Variants in CDK12 observed in about 807,000 individuals in gnomAD.
CDK12 encodes the protein cyclin dependent kinase 12, also known as cyclin-dependent kinase 12.
In CDK12, 17 loss-of-function variants were observed where a neutral mutation model predicts 133.8. The ratio of observed to expected loss-of-function variants is 0.13; its 90% CI spans 0.09 to 0.19. The LOEUF (loss-of-function observed/expected upper bound fraction) is 0.19. CDK12 is among the 10% of genes least tolerant of loss of function. The pLI, the probability that CDK12 is intolerant of heterozygous loss-of-function variation, is 1.00. For synonymous variants in CDK12, 694 were observed against 683.6 expected (o/e 1.02, Z -0.24); for missense variants, 1,508 against 1,818.7 (o/e 0.83, Z 3.11).
At chr17:39,510,592 TTC>T (rs398119818) in intron 7 of CDK12, among the ~76,000 whole-genome samples, 11 of 85,516 alleles carry the variant, frequency 1.3e-4, no homozygotes, top group Non-Finnish European at 2.3e-4. Context: ...AGTTATTTTT[TTC>T]TCTCTTCTCT....
At chr17:39,546,173 C>G (rs925661706), upstream of CDK12, 2 of 151,802 alleles carry the variant, frequency 1.3e-5, no homozygotes, top group Non-Finnish European at 2.9e-5. Context: ...TTCTCTGTAT[C>G]ATTCCAATTT....
intron 11 of CDK12, among the ~76,000 whole-genome samples, chr17:39,521,530 C>T (rs530109861): frequency 7.9e-4 from 120 of 151,584 alleles, no homozygotes; most frequent in Non-Finnish European, 1.3e-3. Context: ...CCCAAGGTGC[C>T]GGGATTACAG....
chr17:39,481,601 C>T (rs1274522202), intron 2 of CDK12, among the ~76,000 whole-genome samples: 2 of 149,770 alleles, frequency 1.3e-5, no homozygotes, highest in Non-Finnish European at 1.5e-5. Context: ...TGAGCCACTG[C>T]GCCCAGCACT....
chr17:39,535,598 T>C (rs2055097372), downstream of CDK12, among the ~76,000 whole-genome samples: 1 of 152,220 alleles, frequency 6.6e-6, no homozygotes, highest in South Asian at 2.1e-4. Context: ...TTTTCAATTC[T>C]GGGCCTAAAG....
In CDK12 at chr17:39,490,658, G is replaced by A. The variant is rs1228611952; in HGVS notation, c.2033G>A (p.Gly678Glu). Residue 678 changes from glycine to glutamate, a missense_variant, in exon 3 of 14, where the codon GGA becomes GAA. Physicochemically the swap from Gly to Glu is moderately conservative, Grantham distance 98. Around this residue, in one of 9 missense-constraint regions of CDK12, gnomAD observed 347 missense variants for 330.8 expected, o/e 1.05. Coordinates refer to ENST00000447079, the MANE Select transcript of CDK12 (RefSeq NM_016507.4). ...DLPLPPELPG[G>E]DLSPPDSPEP... ...CCTCTCCCTCCAGAGCTCCCTGGTGGAGATCTGTCTCCCCCAGACTCTCCA... is the reference window on the plus strand; with the variant it reads ...CCTCTCCCTCCAGAGCTCCCTGGTGAAGATCTGTCTCCCCCAGACTCTCCA... 2 of 1,613,424 alleles carry A rather than the reference G, an allele frequency of 1.2e-6. No homozygotes were observed. The highest frequency in any genetic ancestry group is 1.1e-5 in the South Asian group (1 of 91,042).
At chr17:39,463,287 G>A (rs1384416465) in intron 1 of CDK12, among the ~76,000 whole-genome samples, 170 bp downstream of exon 1, 1 of 152,100 alleles carries the variant, frequency 6.6e-6, no homozygotes, top group Non-Finnish European at 1.5e-5. Context: ...CCCAGAATTC[G>A]AGAAGTGAAG....
chr17:39,484,631 A>C (rs2050972448), intron 2 of CDK12, among the ~76,000 whole-genome samples: 1 of 152,194 alleles, frequency 6.6e-6, no homozygotes, highest in Non-Finnish European at 1.5e-5. Flanking sequence ...AACCTATCAA[A>C]TACTCATTCT....
chr17:39,464,621 T>C (rs2049166635), intron 1 of CDK12, among the ~76,000 whole-genome samples: 1 of 152,070 alleles, frequency 6.6e-6, no homozygotes, highest in Non-Finnish European at 1.5e-5. Context: ...AGAGTGTTCC[T>C]AGCTGTCAAG....
At chr17:39,499,399 G>C (rs2052549344) in intron 5 of CDK12, among the ~76,000 whole-genome samples, 1 of 150,856 alleles carries the variant, frequency 6.6e-6, no homozygotes, top group Non-Finnish European at 1.5e-5. Context: ...AGCAGAGTTA[G>C]GGTTTCACCA....
chr17:39,515,539 T>C (rs776243434), intron 8 of CDK12, among the ~76,000 whole-genome samples, 192 bp from the exon 9 acceptor site: 12 of 152,216 alleles, frequency 7.9e-5, no homozygotes, highest in Admixed American at 1.3e-4. Flanking sequence ...TTTGATCTGC[T>C]GGCAAATTTA....
rs2144871985 is a variant in CDK12, at chr17:39,462,437, A to T, written c.366A>T (p.Leu122Phe). Residue 122 changes from leucine (L) to phenylalanine (F), a missense_variant, in exon 1 of 14, where the codon TTA (leucine) becomes TTT (phenylalanine). Physicochemically the swap from Leu to Phe is conservative, Grantham distance 22. This residue lies in a region of CDK12 where 460 missense variants were observed against 490.8 expected (regional missense o/e 0.94). Coordinates refer to ENST00000447079, the MANE Select transcript of CDK12 (RefSeq NM_016507.4). Reference sequence around the variant, plus strand: ...ACCAGCACAGGCGTTCCCGGGACTTACTAAAAGCTAAACAGACCGAAAAAG... The same window carrying T: ...ACCAGCACAGGCGTTCCCGGGACTTTCTAAAAGCTAAACAGACCGAAAAAG... The part of the protein sequence containing the change: ...RHHQHRRSRD[L>F]LKAKQTEKEK... 6.2e-7 allele frequency: 1 copy of T among 1,614,156 alleles called. No homozygotes were observed. Among genetic ancestry groups the T allele is most frequent in the Non-Finnish European group, 8.5e-7 (1 of 1,180,042 alleles).
intron 3 of CDK12, among the ~76,000 whole-genome samples, chr17:39,560,927 ATCGCCTC>A (rs1470870446): frequency 6.6e-6 from 1 of 152,154 alleles, no homozygotes; most frequent in Non-Finnish European, 1.5e-5. Flanking sequence ...AGGCAGGAGA[ATCGCCTC>A]CACCAGGGGG....
chr17:39,544,332 CT>C (rs1291573983), upstream of CDK12: 1 of 489,364 alleles, frequency 2.0e-6, no homozygotes, highest in Non-Finnish European at 4.0e-6. Flanking sequence ...CAAATTCAGT[CT>C]CTTTCACAGA....
chr17:39,564,377 A>G (rs1277001338), intron 3 of CDK12, among the ~76,000 whole-genome samples: 2 of 152,192 alleles, frequency 1.3e-5, no homozygotes, highest in African/African-American at 4.8e-5. Context: ...TATGGAAACC[A>G]GGTTCCCTCC....
At chr17:39,528,275 G>A (rs974812612) in intron 13 of CDK12, among the ~76,000 whole-genome samples, 1 of 151,986 alleles carries the variant, frequency 6.6e-6, no homozygotes, top group African/African-American at 2.4e-5. Flanking sequence ...ATAACAATAT[G>A]ATTTATAATT....
Position 39,533,539 on chromosome 17 carries a change from T to TA in CDK12, c.*2224dup, listed in dbSNP as rs2054987888. On this transcript the variant is annotated 3_prime_UTR_variant, in exon 14 of 14. Transcript: ENST00000447079. ...TCAAATATGAATAAAATTCTCTATATATTTCATTGTATTTTGGTTATCAGC... is the reference window on the plus strand; with the variant it reads ...TCAAATATGAATAAAATTCTCTATATAATTTCATTGTATTTTGGTTATCAGC... 4.3e-6 allele frequency: 1 copy of TA among 233,140 alleles called. No homozygotes were observed. Among genetic ancestry groups the TA allele is most frequent in the African/African-American group, 2.2e-5 (1 of 45,334 alleles). The allele number at this position is 233,140 out of a possible 1,614,324, so 14.4% of individuals were successfully genotyped here.
intron 2 of CDK12, among the ~76,000 whole-genome samples, chr17:39,473,894 AAAAG>A (rs1448999030): frequency 1.3e-4 from 20 of 151,726 alleles, no homozygotes; most frequent in South Asian, 1.3e-3. Flanking sequence ...CAAAAAAAAA[AAAAG>A]AAAGAAAAAT....
intron 3 of CDK12, chr17:39,556,728 C>T (rs2056177897): frequency 6.6e-6 from 1 of 152,222 alleles, no homozygotes; most frequent in Non-Finnish European, 1.5e-5. Context: ...TGCCTTTAAC[C>T]CTCTCCTATC....
downstream of CDK12, among the ~76,000 whole-genome samples, chr17:39,537,173 C>A (rs920878536): frequency 4.6e-5 from 7 of 152,102 alleles, no homozygotes; most frequent in Non-Finnish European, 7.4e-5. Flanking sequence ...CTGATGGACT[C>A]TCTAGGAGGG....
Sources: gnomAD v4.1 joint callset for allele counts (sites outside exome capture counted in the v4.1 genomes callset) on GRCh38, gnomAD v4.1.1 for gene constraint, gnomAD v4.1.1 regional missense constraint, MANE v1.5 for transcripts, NCBI Gene and HGNC (gene_info 2026-07-23, HGNC 2026-07-21) for gene names.